The following CYP2U1 variants were observed in gnomAD, a reference collection of about 807,000 sequenced individuals.
CYP2U1 encodes the protein cytochrome P450 family 2 subfamily U member 1.
CYP2U1 carries 28 observed loss-of-function variants against 42.8 expected under a neutral mutation model. That is an observed-to-expected ratio of 0.65 (90% CI 0.48 to 0.90). CYP2U1 has a LOEUF of 0.90. Ranked by LOEUF, CYP2U1 falls within the 40% of genes least tolerant of loss-of-function variation. The pLI is 0.00. For synonymous variants in CYP2U1, 296 were observed against 278.9 expected (o/e 1.06, Z -0.61); for missense variants, 642 against 693.8 (o/e 0.93, Z 0.84).
chr4:107,932,968 T>C (rs1733093371), intron 1 of CYP2U1, among the ~76,000 whole-genome samples: 1 of 152,202 alleles, frequency 6.6e-6, no homozygotes, highest in Admixed American at 6.5e-5. Context: ...TGGATGTCAG[T>C]CTTCACCACT....
In CYP2U1 at chr4:107,931,747, G is replaced by C. The variant is rs1425114390; in HGVS notation, c.104G>C (p.Gly35Ala). ...CTGCTGCGGCTGGACCCCAGCGGGG[G>C]CGCGCTGCTGCTATGCGGCCTCGTA... ...LGLLRLDPSG[G>A]ALLLCGLVAL... The change falls in exon 1 of 5, where the codon GGC becomes GCC. Residue 35 changes from glycine to alanine, a missense_variant. Coordinates refer to ENST00000332884, the MANE Select transcript of CYP2U1 (RefSeq NM_183075.3). The C allele has an allele frequency of 6.3e-6, 9 of 1,425,286 alleles. No individual in the cohort carries two copies. In the Admixed American group the frequency reaches 1.8e-4, roughly 29 times the overall value. The allele number at this position is 1,425,286 out of a possible 1,614,324, so 88.3% of individuals were successfully genotyped here.
chr4:107,938,633 G>T (rs1372300126), intron 1 of CYP2U1: 1 of 152,082 alleles, frequency 6.6e-6, no homozygotes, highest in Non-Finnish European at 1.5e-5. Flanking sequence ...CTTCCTGTTT[G>T]TTCATTCCAT....
chr4:107,944,598 A>G (rs1225734589), intron 1 of CYP2U1, among the ~76,000 whole-genome samples: 1 of 151,418 alleles, frequency 6.6e-6, no homozygotes, highest in Admixed American at 6.6e-5. Flanking sequence ...GAGCCACTGT[A>G]CCTGTCCACC....
rs963931075 is a variant in CYP2U1, at chr4:107,953,410, G to T, written c.*2987G>T. Reference sequence around the variant, plus strand: ...TAAGTCTACCTAATATCTCATTTTTGATTCTCATCGTTAGCACAGTTTTGT... The same window carrying T: ...TAAGTCTACCTAATATCTCATTTTTTATTCTCATCGTTAGCACAGTTTTGT... On this transcript the variant is annotated 3_prime_UTR_variant, in exon 5 of 5. Coordinates refer to ENST00000332884, the MANE Select transcript of CYP2U1 (RefSeq NM_183075.3). The T allele has an allele frequency of 1.4e-4, 22 of 152,094 alleles. No homozygotes were observed. The highest frequency in any genetic ancestry group is 1.3e-3 in the Admixed American group (20 of 15,272). 9.4% of individuals were successfully genotyped at this position (152,094 alleles called of 1,614,324 possible).
At chr4:107,933,882 G>A (rs1733148658) in intron 1 of CYP2U1, among the ~76,000 whole-genome samples, 1 of 152,170 alleles carries the variant, frequency 6.6e-6, no homozygotes, top group African/African-American at 2.4e-5. Flanking sequence ...TTGATCTGCG[G>A]TTGGTGGAAC....
chr4:107,945,486 G>A lies in CYP2U1; in HGVS notation c.1007G>A (p.Ser336Asn), dbSNP rs1733667099. The change falls in exon 2 of 5, where the codon AGT becomes AAT. Residue 336 changes from serine to asparagine, a missense_variant. Transcript: ENST00000332884. ...EEERKNNSNS[S>N]FDEEYLFYII... is the part of the protein sequence containing the mutation. ...GAGAGGAAAAATAATAGTAACAGCAGTTTTGATGAAGAGTACTTATTTTAT... is the reference window on the plus strand; with the variant it reads ...GAGAGGAAAAATAATAGTAACAGCAATTTTGATGAAGAGTACTTATTTTAT... 1 of 1,613,938 alleles carries A rather than the reference G, an allele frequency of 6.2e-7. No homozygotes were observed. Among genetic ancestry groups the A allele is most frequent in the East Asian group, 2.2e-5 (1 of 44,888 alleles).
At chr4:107,946,526 T>A (rs965735116) in intron 2 of CYP2U1, among the ~76,000 whole-genome samples, 2 of 151,792 alleles carry the variant, frequency 1.3e-5, no homozygotes, top group African/African-American at 4.8e-5. Context: ...GGTGTGTACA[T>A]CTTGTATGGG....
intron 1 of CYP2U1, chr4:107,937,427 A>G (rs1389564561): frequency 1.3e-5 from 2 of 152,198 alleles, no homozygotes; most frequent in Admixed American, 6.5e-5. Context: ...TCAGTGTACA[A>G]CATCCTCTGT....
Position 107,932,139 on chromosome 4 carries a change from C to CG in CYP2U1, c.490+9dup, listed in dbSNP as rs748099773. The stretch of plus-strand genomic sequence containing the variant: ...CATCGTGACCAAGGAGAAGGGTGAG[C>CG]GGGAGGTCGTGGGCTGTGGGTACGC... On this transcript the variant is annotated splice_region_variant and intron_variant, in intron 1 of 4. Coordinates refer to ENST00000332884, the MANE Select transcript of CYP2U1 (RefSeq NM_183075.3). 3 of 1,600,148 alleles carry CG rather than the reference C, an allele frequency of 1.9e-6. No individual in the cohort carries two copies. The East Asian group carries it at 6.8e-5, about 36-fold the overall frequency.
intron 1 of CYP2U1, among the ~76,000 whole-genome samples, chr4:107,934,705 A>G (rs1369576225): frequency 6.6e-6 from 1 of 151,474 alleles, no homozygotes; most frequent in Non-Finnish European, 1.5e-5. Context: ...TGACCTTCCT[A>G]CTCTAGACAC....
Position 107,942,523 on chromosome 4 carries a change from A to G in CYP2U1, c.491-2447A>G, listed in dbSNP as rs1452968569. ...AAAAATTACTATAAAGACTATTTAT[A>G]TCTTATTATAAAGTAACAGTAATTA... On this transcript the variant is annotated intron_variant, in intron 1 of 4. Transcript: ENST00000332884. Among the ~76,000 whole-genome samples the G allele has an allele frequency of 3.9e-5, 6 of 152,238 alleles. No individual in the cohort carries two copies. The East Asian group carries it at 1.2e-3, about 29-fold the overall frequency.
In CYP2U1 at chr4:107,931,731, C is replaced by T. The variant is rs1420060102; in HGVS notation, c.88C>T (p.Leu30=). Residue 30 remains leucine (L), a synonymous_variant, in exon 1 of 5, where the codon CTG becomes TTG. Coordinates refer to ENST00000332884, the MANE Select transcript of CYP2U1 (RefSeq NM_183075.3). ...GCGTGCGCCTCTGGGGCTGCTGCGG[C>T]TGGACCCCAGCGGGGGCGCGCTGCT... ...LLRAPLGLLR[L]DPSGGALLLC... The T allele has an allele frequency of 4.3e-6, 6 of 1,410,756 alleles. No individual in the cohort carries two copies. In the African/African-American group the frequency reaches 7.6e-5, roughly 18 times the overall value. 87.4% of individuals were successfully genotyped at this position (1,410,756 alleles called of 1,614,324 possible). A position where few individuals can be genotyped will look rare whatever the true frequency, so the allele number is the denominator to read the frequency against.
chr4:107,932,267 C>G, intron 1 of CYP2U1, 134 bp downstream of exon 1: 1 of 1,404,504 alleles, frequency 7.1e-7, no homozygotes, highest in Admixed American at 2.8e-5. Flanking sequence ...CCTGAACTAA[C>G]AGGTGATGGT....
intron 2 of CYP2U1, 145 bp downstream of exon 2, chr4:107,945,750 A>T (rs911305011): frequency 2.7e-6 from 3 of 1,105,994 alleles, no homozygotes; most frequent in Middle Eastern, 2.9e-4. Context: ...GGAGTTGGTA[A>T]GATGTTAACA....
In CYP2U1 at chr4:107,945,198, G is replaced by A. The variant is rs145638445; in HGVS notation, c.719G>A (p.Arg240His). The A allele has an allele frequency of 1.8e-5, 29 of 1,613,784 alleles. No homozygotes were observed. The highest frequency in any genetic ancestry group is 3.3e-5 in the South Asian group (3 of 91,066). The change falls in exon 2 of 5, where the codon CGC becomes CAC. Residue 240 changes from arginine to histidine, a missense_variant. Arg to His is a conservative substitution (Grantham distance 29, BLOSUM62 0). Coordinates refer to ENST00000332884, the MANE Select transcript of CYP2U1 (RefSeq NM_183075.3). ...NIICSLCFGQ[R>H]FDYTNSEFKK... ...ATTTGCTCCTTGTGCTTTGGCCAGC[G>A]CTTTGATTACACTAATAGTGAGTTC...
At chr4:107,937,674 A>AT (rs1733322905) in intron 1 of CYP2U1, 1 of 151,752 alleles carries the variant, frequency 6.6e-6, no homozygotes, top group Admixed American at 6.6e-5. Flanking sequence ...CACCTGGCTA[A>AT]TTTTTTGTAT....
chr4:107,945,984 A>G (rs977212495), intron 2 of CYP2U1, among the ~76,000 whole-genome samples: 3 of 152,224 alleles, frequency 2.0e-5, no homozygotes, highest in Non-Finnish European at 4.4e-5. Context: ...ACAAGGTCAC[A>G]CAGCTAGTTC....
intron 1 of CYP2U1, among the ~76,000 whole-genome samples, chr4:107,942,978 T>TA (rs1256275461): frequency 6.6e-6 from 1 of 152,096 alleles, no homozygotes; most frequent in Non-Finnish European, 1.5e-5. Context: ...TTTAGAAACT[T>TA]AAAAAATCAG....
chr4:107,948,131 G>A (rs1407629116), intron 3 of CYP2U1, among the ~76,000 whole-genome samples: 6 of 151,976 alleles, frequency 3.9e-5, no homozygotes, highest in Non-Finnish European at 8.8e-5. Flanking sequence ...AGCCAGGCAT[G>A]GTGGTGCACA....
Sources: gnomAD v4.1 joint callset for allele counts (sites outside exome capture counted in the v4.1 genomes callset) on GRCh38, gnomAD v4.1.1 for gene constraint, MANE v1.5 for transcripts, NCBI Gene and HGNC (gene_info 2026-07-23, HGNC 2026-07-21) for gene names.